DPF3: variants seen among roughly 807,000 people sequenced by gnomAD.
DPF3 encodes the protein zinc finger protein DPF3.
DPF3 carries 18 observed loss-of-function variants against 56.8 expected under a neutral mutation model. The ratio of observed to expected loss-of-function variants is 0.32; its 90% CI spans 0.22 to 0.47. The LOEUF (loss-of-function observed/expected upper bound fraction) is 0.47. DPF3 is among the 20% of genes least tolerant of loss of function. The pLI is 1.00. For missense variants in DPF3, 403 were observed against 488.8 expected (o/e 0.82, Z 1.65); for synonymous variants, 188 against 180.2 (o/e 1.04, Z -0.35).
intron 5 of DPF3, among the ~76,000 whole-genome samples, chr14:72,715,846 C>T (rs1226541782): frequency 6.7e-6 from 1 of 150,110 alleles, no homozygotes; most frequent in Non-Finnish European, 1.5e-5. Context: ...TCCCTCCCCA[C>T]CCCACCCCTG....
At chr14:72,872,767 G>A (rs61988471) in intron 1 of DPF3, among the ~76,000 whole-genome samples, 25,346 of 151,594 alleles carry the variant, frequency 0.17, 2,102 homozygotes, top group Non-Finnish European at 0.2. Flanking sequence ...AAATAATGCC[G>A]CATATCTACA....
chr14:72,738,380 C>A (rs1270842134), intron 3 of DPF3, among the ~76,000 whole-genome samples: 1 of 152,132 alleles, frequency 6.6e-6, no homozygotes, highest in African/African-American at 2.4e-5. Flanking sequence ...GGACTCATCC[C>A]TCCCCCATAT....
intron 3 of DPF3, among the ~76,000 whole-genome samples, chr14:72,752,754 T>C (rs1890631790): frequency 6.6e-6 from 1 of 152,204 alleles, no homozygotes; most frequent in East Asian, 1.9e-4. Flanking sequence ...GGGTAAATTG[T>C]AATCTCAAAC....
intron 3 of DPF3, among the ~76,000 whole-genome samples, chr14:72,748,975 G>GAAAA (rs1890440622): frequency 6.6e-6 from 1 of 152,232 alleles, no homozygotes; most frequent in Non-Finnish European, 1.5e-5. Context: ...AATGTCGGGT[G>GAAAA]GGAGCCCCCA....
intron 5 of DPF3, among the ~76,000 whole-genome samples, chr14:72,720,460 T>G (rs1889121613): frequency 6.6e-6 from 1 of 152,214 alleles, no homozygotes; most frequent in African/African-American, 2.4e-5. Flanking sequence ...GCTCCGTGCA[T>G]GGGTAACATG....
chr14:72,874,511 T>C (rs1886033218), intron 1 of DPF3, among the ~76,000 whole-genome samples: 1 of 151,960 alleles, frequency 6.6e-6, no homozygotes, highest in South Asian at 2.1e-4. Flanking sequence ...AGAAATTTAT[T>C]CCACCAGATA....
At chr14:72,700,082 G>A (rs1888094100) in intron 6 of DPF3, among the ~76,000 whole-genome samples, 1 of 152,230 alleles carries the variant, frequency 6.6e-6, no homozygotes, top group African/African-American at 2.4e-5. Flanking sequence ...GAGGAAGAGT[G>A]AAGACTTCCA....
chr14:72,621,907 G>C (rs1393515183), intron 9 of DPF3, among the ~76,000 whole-genome samples: 3 of 152,180 alleles, frequency 2.0e-5, no homozygotes, highest in African/African-American at 4.8e-5. Context: ...ACTCATGGGA[G>C]GGAGAGGGCA....
Position 72,819,405 on chromosome 14 carries a change from C to T in DPF3, c.33-47512G>A, listed in dbSNP as rs539021374. On this transcript the variant is annotated intron_variant, in intron 1 of 10. Transcript: ENST00000556509. Reference sequence around the variant, plus strand: ...CAAAAAAGAGACATACACAGATGCTCGTGGCAACTTTATTCATAATAGCCA... The same window carrying T: ...CAAAAAAGAGACATACACAGATGCTTGTGGCAACTTTATTCATAATAGCCA... Among the ~76,000 whole-genome samples, 109 of 152,170 alleles carry T rather than the reference C, an allele frequency of 7.2e-4. 1 individual carries two copies. The highest frequency in any genetic ancestry group is 2.5e-3 in the African/African-American group (104 of 41,522).
chr14:72,706,242 T>C (rs541235755), intron 6 of DPF3, among the ~76,000 whole-genome samples: 2 of 152,272 alleles, frequency 1.3e-5, no homozygotes, highest in Non-Finnish European at 1.5e-5. Flanking sequence ...CAATATCAAT[T>C]CCATCCATGC....
At chr14:72,676,308 T>C (rs778733580) in intron 7 of DPF3, among the ~76,000 whole-genome samples, 2 of 152,182 alleles carry the variant, frequency 1.3e-5, no homozygotes, top group Non-Finnish European at 2.9e-5. Flanking sequence ...CATAAAAACT[T>C]ACAGGGGGCC....
At chr14:72,814,594 C>T (rs1883202308) in intron 1 of DPF3, among the ~76,000 whole-genome samples, 1 of 152,122 alleles carries the variant, frequency 6.6e-6, no homozygotes, top group African/African-American at 2.4e-5. Context: ...GCAGACGGAT[C>T]TCTTGAGACC....
At chr14:72,722,454 G>T (rs1294305828) in intron 5 of DPF3, among the ~76,000 whole-genome samples, 1 of 152,202 alleles carries the variant, frequency 6.6e-6, no homozygotes, top group Non-Finnish European at 1.5e-5. Flanking sequence ...CTGCCCCAGA[G>T]CTCCTAAAGC....
At chr14:72,670,113 A>G in intron 8 of DPF3, 1 of 985,908 alleles carries the variant, frequency 1.0e-6, no homozygotes, top group Non-Finnish European at 1.2e-6. Flanking sequence ...ATAAAAAAAA[A>G]TAGAAGAAAT....
At chr14:72,759,254 T>C (rs1599416466) in intron 2 of DPF3, among the ~76,000 whole-genome samples, 2 of 151,128 alleles carry the variant, frequency 1.3e-5, no homozygotes, top group South Asian at 4.2e-4. Flanking sequence ...TATTCCAAAA[T>C]GAAACCCACA....
chr14:72,714,520 A>G lies in DPF3; in HGVS notation c.526-19T>C, dbSNP rs377707793. 14 of 1,613,220 alleles carry G rather than the reference A, an allele frequency of 8.7e-6. No homozygotes were observed. The African/African-American group carries it at 1.6e-4, about 18-fold the overall frequency. ...CGCGAGCCTGGGGAGACATTGGGGTACAGGATGCTTGTTACCATGGTCATC... is the reference window on the plus strand; with the variant it reads ...CGCGAGCCTGGGGAGACATTGGGGTGCAGGATGCTTGTTACCATGGTCATC... On this transcript the variant is annotated intron_variant, in intron 5 of 10. Coordinates refer to ENST00000556509, the MANE Select transcript of DPF3 (RefSeq NM_001280542.3).
chr14:72,640,592 T>C (rs924933060), intron 8 of DPF3, among the ~76,000 whole-genome samples: 19 of 152,300 alleles, frequency 1.2e-4, no homozygotes, highest in African/African-American at 4.1e-4. Flanking sequence ...AATTGGTCAA[T>C]AGGACGTGAT....
At position 72,674,315 on chromosome 14, in the gene DPF3, A is replaced by T. The variant is rs769684490; in HGVS notation, c.796T>A (p.Leu266Met). 2.5e-6 allele frequency: 4 copies of T among 1,612,734 alleles called. No individual in the cohort carries two copies. The highest frequency in any genetic ancestry group is 2.5e-6 in the Non-Finnish European group (3 of 1,179,528). The change falls in exon 8 of 11, where the codon TTG becomes ATG. Residue 266 changes from leucine to methionine, a missense_variant. Physicochemically the swap from Leu to Met is conservative, Grantham distance 15. Coordinates refer to ENST00000556509, the MANE Select transcript of DPF3 (RefSeq NM_001280542.3). The part of the protein sequence containing the change: ...VIPNNYCDFC[L>M]GGSNMNKKSG... Reference sequence around the variant, plus strand: ...TTCTTGTTCATGTTGGAGCCCCCCAAGCAGAAGTCACAGTAGTTATTGGGA... The same window carrying T: ...TTCTTGTTCATGTTGGAGCCCCCCATGCAGAAGTCACAGTAGTTATTGGGA...
chr14:72,781,814 A>C (rs953711942), intron 1 of DPF3, among the ~76,000 whole-genome samples: 1 of 152,202 alleles, frequency 6.6e-6, no homozygotes, highest in Non-Finnish European at 1.5e-5. Context: ...GACGTGACCA[A>C]ATAAATCTCT....
Sources: gnomAD v4.1 joint callset for allele counts (sites outside exome capture counted in the v4.1 genomes callset) on GRCh38, gnomAD v4.1.1 for gene constraint, MANE v1.5 for transcripts, NCBI Gene and HGNC (gene_info 2026-07-23, HGNC 2026-07-21) for gene names.